CSNK1G2: variants seen among roughly 807,000 people sequenced by gnomAD.
The protein encoded by CSNK1G2 is casein kinase 1 gamma 2.
In CSNK1G2, 11 loss-of-function variants were observed where a neutral mutation model predicts 48.0. The ratio of observed to expected loss-of-function variants is 0.23; its 90% CI spans 0.14 to 0.38. The LOEUF is 0.38. Among genes scored for constraint, CSNK1G2 ranks in the 10% least tolerant of loss-of-function variants. CSNK1G2 has a pLI of 1.00. For missense variants in CSNK1G2, 446 were observed against 595.5 expected, an observed-to-expected ratio of 0.75 and a Z score of 2.61; for synonymous variants, 337 against 254.1, an observed-to-expected ratio of 1.33 and a Z score of -3.10.
In CSNK1G2 at chr19:1,979,113, CG is replaced by C. The variant is rs2015873224; in HGVS notation, c.682+26del. ...GCAAGGGTGAGCTGCGCGCGCGCGG[CG>C]GGGGGCGGGCGCCCGGACCCCGCTG... On this transcript the variant is annotated intron_variant, in intron 6 of 11. Coordinates refer to ENST00000255641, the MANE Select transcript of CSNK1G2 (RefSeq NM_001319.7). The C allele has an allele frequency of 4.4e-6, 7 of 1,578,046 alleles. No homozygotes were observed. The highest frequency in any genetic ancestry group is 2.2e-5 in the South Asian group (2 of 89,236).
At position 1,966,690 on chromosome 19, in the gene CSNK1G2, A is replaced by G. The variant is rs145002316; in HGVS notation, c.-265-2818A>G. Among the ~76,000 whole-genome samples, 361 of 152,180 alleles carry G rather than the reference A, an allele frequency of 2.4e-3. 1 individual carries two copies. Among genetic ancestry groups the G allele is most frequent in the African/African-American group, 8.2e-3 (340 of 41,538 alleles). On this transcript the variant is annotated intron_variant, in intron 1 of 11. Coordinates refer to ENST00000255641, the MANE Select transcript of CSNK1G2 (RefSeq NM_001319.7). ...CAGAGAAATCTTTCATGAAAGGAAG[A>G]GTCCATCGCTGTGGCCAACTTTTTT...
chr19:1,971,378 C>T (rs997479628), intron 2 of CSNK1G2, among the ~76,000 whole-genome samples: 7 of 152,244 alleles, frequency 4.6e-5, no homozygotes, highest in Non-Finnish European at 1.0e-4. Context: ...GCCGGTCCGA[C>T]GGCCTGTGGC....
At chr19:1,974,067 C>T (rs2079592) in intron 2 of CSNK1G2, among the ~76,000 whole-genome samples, 79,947 of 151,668 alleles carry the variant, frequency 0.53, 24,691 homozygotes, top group African/African-American at 0.85. Flanking sequence ...TTTGTATTTT[C>T]AGTAGAGACA....
chr19:1,950,727 G>GCCACCAGC lies in CSNK1G2; in HGVS notation c.-266+9310_-266+9317dup, dbSNP rs1412870560. 3.4e-5 allele frequency among the ~76,000 whole-genome samples: 5 copies of GCCACCAGC among 145,236 alleles called. 1 individual carries two copies. Among genetic ancestry groups the GCCACCAGC allele is most frequent in the African/African-American group, 5.3e-5 (2 of 37,768 alleles). On this transcript the variant is annotated intron_variant, in intron 1 of 11. Transcript: ENST00000255641. ...CAAGGCACCTTCTCGTGCCCCAGAG[G>GCCACCAGC]CCACCAGCACCCGTCCCCCTGCCTC...
chr19:1,947,674 C>T (rs2014611770), intron 1 of CSNK1G2, among the ~76,000 whole-genome samples: 1 of 152,194 alleles, frequency 6.6e-6, no homozygotes, highest in African/African-American at 2.4e-5. Flanking sequence ...TGGCCACGTG[C>T]AGGCCAGCCA....
At chr19:1,971,678 A>G (rs1186671965) in intron 2 of CSNK1G2, among the ~76,000 whole-genome samples, 3 of 149,812 alleles carry the variant, frequency 2.0e-5, no homozygotes, top group East Asian at 2.0e-4. Context: ...CCAGATGGCT[A>G]TGTGGGTCCT....
In CSNK1G2 at chr19:1,957,692, C is replaced by T. The variant is rs868562992; in HGVS notation, c.-265-11816C>T. On this transcript the variant is annotated intron_variant, in intron 1 of 11. Transcript: ENST00000255641. The surrounding 1 kb of genome is among the most constrained non-coding windows in gnomAD (Gnocchi z 5.4). ...GCGCAGGACCCCGGGTGACTGCAGA[C>T]GTGGGCACAGAGGGGCCTCTGAGGG... Among the ~76,000 whole-genome samples the T allele has an allele frequency of 2.6e-5, 4 of 152,042 alleles. No individual in the cohort carries two copies. Among genetic ancestry groups the T allele is most frequent in the African/African-American group, 4.8e-5 (2 of 41,386 alleles).
At chr19:1,945,280 C>T (rs1383778472) in intron 1 of CSNK1G2, among the ~76,000 whole-genome samples, 1 of 152,206 alleles carries the variant, frequency 6.6e-6, no homozygotes, top group Non-Finnish European at 1.5e-5. Flanking sequence ...CCCCAGGCTC[C>T]CCCGGCAGCA....
intron 1 of CSNK1G2, among the ~76,000 whole-genome samples, chr19:1,963,080 G>T (rs368007217): frequency 1.2e-5 from 1 of 85,308 alleles, no homozygotes; most frequent in South Asian, 3.9e-4. Context: ...AATGAGACAC[G>T]CCAGACACAG....
rs1296434289 is a variant in CSNK1G2, at chr19:1,978,070, G to A, written c.188-235G>A. The stretch of plus-strand genomic sequence containing the variant: ...GAGGTGGGGGGGCGGGGGAGGAGGA[G>A]TGGCAGACACTGAGGCGGTGACCAC... On this transcript the variant is annotated intron_variant, in intron 2 of 11. Coordinates refer to ENST00000255641, the MANE Select transcript of CSNK1G2 (RefSeq NM_001319.7). The surrounding 1 kb of genome is among the most constrained non-coding windows in gnomAD (Gnocchi z 7.3). 1.3e-5 allele frequency among the ~76,000 whole-genome samples: 2 copies of A among 152,118 alleles called. No homozygotes were observed. Among genetic ancestry groups the A allele is most frequent in the African/African-American group, 2.4e-5 (1 of 41,430 alleles).
intron 2 of CSNK1G2, among the ~76,000 whole-genome samples, chr19:1,971,613 A>G (rs2015573254): frequency 6.6e-6 from 1 of 152,160 alleles, no homozygotes; most frequent in Admixed American, 6.5e-5. Context: ...ATCTGCACAC[A>G]CATGCCTGGC....
chr19:1,944,609 C>G (rs1430627346), intron 1 of CSNK1G2, among the ~76,000 whole-genome samples: 2 of 151,980 alleles, frequency 1.3e-5, no homozygotes, highest in Non-Finnish European at 2.9e-5. Context: ...CTGGCTCTGT[C>G]CAGAGGGCTG....
Position 1,978,365 on chromosome 19 carries a change from C to T in CSNK1G2, c.228+20C>T. On this transcript the variant is annotated intron_variant, in intron 3 of 11. Coordinates refer to ENST00000255641, the MANE Select transcript of CSNK1G2 (RefSeq NM_001319.7). This position sits in a 1 kb window ranked among gnomAD's most constrained non-coding sequence, Gnocchi z 7.3. ...AAATTGGTGAGTCGGCCCCTCCACC[C>T]CACCCCCGCTGACGTGCCCCCCAGG... is the stretch of plus-strand genomic sequence containing the variant. 1 of 1,612,808 alleles carries T rather than the reference C, an allele frequency of 6.2e-7. No individual in the cohort carries two copies. Among genetic ancestry groups the T allele is most frequent in the Non-Finnish European group, 8.5e-7 (1 of 1,179,546 alleles).
chr19:1,949,529 T>G (rs1382000542), intron 1 of CSNK1G2, among the ~76,000 whole-genome samples: 2 of 152,192 alleles, frequency 1.3e-5, no homozygotes. Context: ...GGCCACGTGT[T>G]TATTTCTGTG....
Position 1,979,516 on chromosome 19 carries a change from G to T in CSNK1G2, c.875G>T (p.Arg292Leu). Residue 292 changes from arginine to leucine, a missense_variant, in exon 9 of 12, where the codon CGC becomes CTC. Transcript: ENST00000255641. Reference protein sequence around the residue: ...NFPEEMATYLRYVRRLDFFEK... With the variant: ...NFPEEMATYLLYVRRLDFFEK... ...GCAGAGGAGATGGCCACGTACCTGCGCTATGTGCGGCGCCTGGACTTCTTC... is the reference window on the plus strand; with the variant it reads ...GCAGAGGAGATGGCCACGTACCTGCTCTATGTGCGGCGCCTGGACTTCTTC... The T allele has an allele frequency of 1.2e-6, 2 of 1,601,082 alleles. No homozygotes were observed. The highest frequency in any genetic ancestry group is 1.7e-6 in the Non-Finnish European group (2 of 1,178,814).
At chr19:1,962,845 G>A (rs1227507152) in intron 1 of CSNK1G2, among the ~76,000 whole-genome samples, 3 of 152,142 alleles carry the variant, frequency 2.0e-5, no homozygotes, top group Non-Finnish European at 2.9e-5. Flanking sequence ...TACCCAGGTG[G>A]AGTGGAAGCC....
At chr19:1,942,054 A>G (rs894106806) in intron 1 of CSNK1G2, among the ~76,000 whole-genome samples, 42 of 149,392 alleles carry the variant, frequency 2.8e-4, no homozygotes, top group Admixed American at 2.5e-3. Flanking sequence ...GGGGGAGAGC[A>G]GGGGGTGGTG....
At chr19:1,954,180 G>A (rs1254709654) in intron 1 of CSNK1G2, 9 of 398,318 alleles carry the variant, frequency 2.3e-5, no homozygotes, top group Non-Finnish European at 4.5e-5. Flanking sequence ...TCCTGGCCGC[G>A]GCAGCTCCTG....
At position 1,979,919 on chromosome 19, in the gene CSNK1G2, C is replaced by T. The variant is rs749727737; in HGVS notation, c.1095C>T (p.Asn365=). ...TQPHSKNQAL[N]STNGELNADD... is the part of the protein sequence containing the mutation. ...CCTACTGCCCCCACCAGGCGTTGAACTCCACCAACGGGGAGCTGAATGCGG... is the reference window on the plus strand; with the variant it reads ...CCTACTGCCCCCACCAGGCGTTGAATTCCACCAACGGGGAGCTGAATGCGG... The change falls in exon 11 of 12, where the codon AAC becomes AAT. Residue 365 remains asparagine, a synonymous_variant. Transcript: ENST00000255641. 6 of 1,607,068 alleles carry T rather than the reference C, an allele frequency of 3.7e-6. No homozygotes were observed. The highest frequency in any genetic ancestry group is 2.7e-5 in the African/African-American group (2 of 74,808).
Sources: gnomAD v4.1 joint callset for allele counts (sites outside exome capture counted in the v4.1 genomes callset) on GRCh38, gnomAD v4.1.1 for gene constraint, Gnocchi (gnomAD v3.1) non-coding constraint, MANE v1.5 for transcripts, NCBI Gene and HGNC (gene_info 2026-07-23, HGNC 2026-07-21) for gene names.